Variants in ABITRAM observed in about 807,000 individuals in gnomAD.
ABITRAM encodes the protein protein Abitram.
Under a neutral mutation model 22.9 loss-of-function variants are expected in ABITRAM, and 19 were observed. The observed-to-expected ratio is 0.83, with a 90% CI of 0.58 to 1.22. ABITRAM has a LOEUF of 1.22. ABITRAM is among the 50% of genes most tolerant of loss of function. ABITRAM has a pLI of 0.00. For missense variants in ABITRAM, 215 were observed against 220.2 expected (o/e 0.98, Z 0.15); for synonymous variants, 70 against 73.9 (o/e 0.95, Z 0.27).
chr9:108,942,419 A>T (rs533983618), downstream of ABITRAM: 77 of 272,812 alleles, frequency 2.8e-4, no homozygotes, highest in African/African-American at 1.5e-3. Context: ...CTAGATGATA[A>T]AGAAAACAGT....
intron 3 of ABITRAM, among the ~76,000 whole-genome samples, chr9:108,949,240 C>G (rs539947746): frequency 6.6e-6 from 1 of 152,258 alleles, no homozygotes; most frequent in Admixed American, 6.5e-5. Context: ...TATCCAATAA[C>G]TATATTCTAG....
In ABITRAM at chr9:108,939,269, C is replaced by T. The variant is rs139032435; in HGVS notation, c.335C>T (p.Ser112Phe). ...TCAGATGGTGAAGAATATACTGTGT[C>T]TAGGTGAGTAACTTTTTAGCCACCA... is the stretch of plus-strand genomic sequence containing the variant. ...YCSDGEEYTV[S>F]SCVRGRLMEV... Residue 112 changes from serine to phenylalanine, a missense_variant, in exon 4 of 6, where the codon TCT becomes TTT. Coordinates refer to ENST00000322940, the MANE Select transcript of ABITRAM (RefSeq NM_017832.4). 3 of 1,611,446 alleles carry T rather than the reference C, an allele frequency of 1.9e-6. No individual in the cohort carries two copies. In the Admixed American group the frequency reaches 5.1e-5, roughly 27 times the overall value.
At position 108,934,438 on chromosome 9, in the gene ABITRAM, G is replaced by A; in HGVS notation, c.-49G>A. 2 of 1,529,192 alleles carry A rather than the reference G, an allele frequency of 1.3e-6. No homozygotes were observed. The highest frequency in any genetic ancestry group is 1.2e-5 in the South Asian group (1 of 83,756). 94.7% of individuals were successfully genotyped at this position (1,529,192 alleles called of 1,614,324 possible). ...GCACGCCCAGTCCGGGCTGCGCGGA[G>A]GAAGCGCTGGGGTCCCGGAGGGCGG... On this transcript the variant is annotated 5_prime_UTR_variant, in exon 1 of 6. Coordinates refer to ENST00000322940, the MANE Select transcript of ABITRAM (RefSeq NM_017832.4).
chr9:108,939,598 G>A lies in ABITRAM; in HGVS notation c.458G>A (p.Ser153Asn). 1 of 1,613,944 alleles carries A rather than the reference G, an allele frequency of 6.2e-7. No homozygotes were observed. Among genetic ancestry groups the A allele is most frequent in the Non-Finnish European group, 8.5e-7 (1 of 1,179,962 alleles). Residue 153 changes from serine (S) to asparagine (N), a missense_variant, in exon 6 of 6, where the codon AGT becomes AAT. By Grantham distance (46) the Ser-to-Asn change is conservative. Coordinates refer to ENST00000322940, the MANE Select transcript of ABITRAM (RefSeq NM_017832.4). ...IAVVLPKFEE[S>N]KSITEGLLTQ... ...GTTGTGTTACCCAAATTTGAAGAAA[G>A]TAAAAGCATAACAGAAGGGTTACTG...
At chr9:108,949,739 G>T (rs1383825407) in intron 3 of ABITRAM, among the ~76,000 whole-genome samples, 2 of 152,178 alleles carry the variant, frequency 1.3e-5, no homozygotes, top group East Asian at 1.9e-4. Context: ...AGCTACTTGG[G>T]AGGCTGAGGC....
downstream of ABITRAM, among the ~76,000 whole-genome samples, chr9:108,945,334 A>G (rs1482972493): frequency 1.3e-5 from 2 of 152,136 alleles, no homozygotes; most frequent in African/African-American, 2.4e-5. Context: ...CTAAATTATA[A>G]TATCTAAGTT....
downstream of ABITRAM, chr9:108,943,950 G>A (rs1830323091): frequency 6.2e-7 from 1 of 1,612,464 alleles, no homozygotes; most frequent in African/African-American, 1.3e-5. Flanking sequence ...CAGGTAGGTA[G>A]ACATGTGTTA....
At chr9:108,934,679 A>G (rs1830144614) in intron 1 of ABITRAM, 114 bp downstream of exon 1, 3 of 997,498 alleles carry the variant, frequency 3.0e-6, no homozygotes, top group African/African-American at 3.4e-5. Flanking sequence ...TCCCCACGTC[A>G]GAAGGCACTG....
At position 108,940,406 on chromosome 9, in the gene ABITRAM, C is replaced by T. The variant is rs1201330405; in HGVS notation, c.*720C>T. 6.6e-6 allele frequency: 1 copy of T among 152,186 alleles called. No individual in the cohort carries two copies. The allele number at this position is 152,186 out of a possible 1,614,324, so 9.4% of individuals were successfully genotyped here. The stretch of plus-strand genomic sequence containing the variant: ...AAAAAACCTAACCCACCTTTCTTAC[C>T]CAGTCTTCTATAATGTGCCTACCAA... On this transcript the variant is annotated 3_prime_UTR_variant, in exon 6 of 6. Coordinates refer to ENST00000322940, the MANE Select transcript of ABITRAM (RefSeq NM_017832.4).
downstream of ABITRAM, among the ~76,000 whole-genome samples, chr9:108,942,258 C>T (rs796536282): frequency 7.2e-5 from 11 of 152,276 alleles, no homozygotes; most frequent in African/African-American, 2.4e-4. Context: ...TATTAGGGAA[C>T]AAACTTGCTG....
chr9:108,935,500 T>C, intron 1 of ABITRAM, 138 bp from the exon 2 acceptor site: 1 of 671,920 alleles, frequency 1.5e-6, no homozygotes, highest in East Asian at 2.6e-5. Context: ...TCTTTTTGAG[T>C]AATGAAGGGA....
chr9:108,950,385 A>G (rs372923741), intron 3 of ABITRAM: 1 of 1,073,894 alleles, frequency 9.3e-7, no homozygotes, highest in Non-Finnish European at 1.3e-6. Flanking sequence ...AGTTAAGAAC[A>G]ATGGAAGGAA....
At chr9:108,946,739 C>G (rs1474358717) in intron 3 of ABITRAM, among the ~76,000 whole-genome samples, 1 of 152,170 alleles carries the variant, frequency 6.6e-6, no homozygotes, top group Non-Finnish European at 1.5e-5. Context: ...ACATATAGCA[C>G]AAGTTCAATA....
intron 3 of ABITRAM, among the ~76,000 whole-genome samples, chr9:108,946,779 A>T (rs1054335954): frequency 6.6e-6 from 1 of 152,228 alleles, no homozygotes; most frequent in Non-Finnish European, 1.5e-5. Flanking sequence ...ATGCAATTTT[A>T]TGTTCATCAC....
downstream of ABITRAM, chr9:108,943,140 T>C: frequency 6.1e-6 from 7 of 1,138,620 alleles, no homozygotes; most frequent in African/African-American, 1.6e-5. Flanking sequence ...TTTCTCCATA[T>C]GGAAATCTAA....
chr9:108,939,872 A>G lies in ABITRAM; in HGVS notation c.*186A>G. 1.6e-6 allele frequency: 1 copy of G among 633,350 alleles called. No homozygotes were observed. Among genetic ancestry groups the G allele is most frequent in the East Asian group, 2.9e-5 (1 of 35,074 alleles). 39.2% of individuals were successfully genotyped at this position (633,350 alleles called of 1,614,324 possible). On this transcript the variant is annotated 3_prime_UTR_variant, in exon 6 of 6. Coordinates refer to ENST00000322940, the MANE Select transcript of ABITRAM (RefSeq NM_017832.4). Reference sequence around the variant, plus strand: ...AATGAGCCTTGGTTCCCATTTGTCTACAGCCTGCCAGATCTGGCCTGCCCA... The same window carrying G: ...AATGAGCCTTGGTTCCCATTTGTCTGCAGCCTGCCAGATCTGGCCTGCCCA...
At chr9:108,946,171 C>T (rs1260336167) in intron 3 of ABITRAM, among the ~76,000 whole-genome samples, 1 of 151,868 alleles carries the variant, frequency 6.6e-6, no homozygotes, top group Non-Finnish European at 1.5e-5. Context: ...TGGTAGCGCA[C>T]ACCTGTAGTC....
At chr9:108,937,966 C>G (rs1484540141) in intron 3 of ABITRAM, among the ~76,000 whole-genome samples, 1 of 146,056 alleles carries the variant, frequency 6.8e-6, no homozygotes, top group Non-Finnish European at 1.5e-5. Flanking sequence ...CACTGCACTC[C>G]AGCCTGGATG....
At chr9:108,947,931 A>G (rs1830451705) in intron 3 of ABITRAM, among the ~76,000 whole-genome samples, 1 of 152,204 alleles carries the variant, frequency 6.6e-6, no homozygotes, top group African/African-American at 2.4e-5. Flanking sequence ...TTATTATTGC[A>G]TCTATTGACT....
Sources: gnomAD v4.1 joint callset for allele counts (sites outside exome capture counted in the v4.1 genomes callset) on GRCh38, gnomAD v4.1.1 for gene constraint, MANE v1.5 for transcripts, NCBI Gene and HGNC (gene_info 2026-07-23, HGNC 2026-07-21) for gene names.